Variants in C1orf94 observed in about 807,000 individuals in gnomAD.
C1orf94 encodes the protein chromosome 1 open reading frame 94.
In C1orf94, 45 loss-of-function variants were observed where a neutral mutation model predicts 53.6. The observed-to-expected ratio is 0.84, with a 90% confidence interval of 0.66 to 1.08. C1orf94 has a LOEUF of 1.08. C1orf94 is among the 50% of genes least tolerant of loss of function. C1orf94 has a pLI of 0.00. For missense variants in C1orf94, 762 were observed against 738.9 expected (o/e 1.03, Z -0.36); for synonymous variants, 304 against 296.1 (o/e 1.03, Z -0.27).
rs182400683 is a variant in C1orf94 at position 34,212,422 on chromosome 1, C to A, written c.1721+16C>A. 6.2e-7 allele frequency: 1 copy of A among 1,603,212 alleles called. No individual in the cohort carries two copies. The highest frequency in any genetic ancestry group is 1.3e-5 in the African/African-American group (1 of 74,530). Reference sequence around the variant, plus strand: ...AAGGATATGGGTGAGTCAGCCCACACTGGGAGCCTAAGGGTATCCAGAAAG... The same window carrying A: ...AAGGATATGGGTGAGTCAGCCCACAATGGGAGCCTAAGGGTATCCAGAAAG... On this transcript the variant is annotated intron_variant, in intron 6 of 6. Transcript: ENST00000488417.
At chr1:34,179,314 T>A (rs931104982) in intron 1 of C1orf94, among the ~76,000 whole-genome samples, 1 of 152,236 alleles carries the variant, frequency 6.6e-6, no homozygotes, top group Admixed American at 6.5e-5. Flanking sequence ...GGCCCTTCAG[T>A]GGCACTGAGC....
intron 1 of C1orf94, among the ~76,000 whole-genome samples, chr1:34,178,326 C>T (rs1347186037): frequency 6.6e-6 from 1 of 152,200 alleles, no homozygotes; most frequent in Admixed American, 6.5e-5. Context: ...TTCCAGGCTG[C>T]CTCTTCACCA....
chr1:34,185,241 G>A (rs918443354), intron 1 of C1orf94, among the ~76,000 whole-genome samples: 10 of 152,050 alleles, frequency 6.6e-5, no homozygotes, highest in South Asian at 2.1e-4. Context: ...GTGCAGTGGC[G>A]CGATCTTGGC....
rs755907282 is a variant in C1orf94, at chr1:34,197,555, G to T, written c.651G>T (p.Lys217Asn). The T allele has an allele frequency of 6.2e-7, 1 of 1,614,138 alleles. No homozygotes were observed. Among genetic ancestry groups the T allele is most frequent in the South Asian group, 1.1e-5 (1 of 91,082 alleles). Reference protein sequence around the residue: ...VTDILCAAEVKSSKGTEDRGR... With the variant: ...VTDILCAAEVNSSKGTEDRGR... The stretch of plus-strand genomic sequence containing the variant: ...ACATTCTGTGTGCCGCCGAGGTCAA[G>T]AGCAGCAAGGGGACAGAGGACAGGG... The change falls in exon 2 of 7, where the codon AAG becomes AAT. Residue 217 changes from lysine (K) to asparagine (N), a missense_variant. Lys to Asn is a moderately conservative substitution (Grantham distance 94, BLOSUM62 0). Transcript: ENST00000488417. The surrounding 1 kb of genome is among the most constrained non-coding windows in gnomAD (Gnocchi z 4.1).
intron 1 of C1orf94, among the ~76,000 whole-genome samples, chr1:34,181,765 G>A (rs747951110): frequency 6.6e-5 from 10 of 152,218 alleles, no homozygotes; most frequent in Non-Finnish European, 1.5e-4. Flanking sequence ...TAGAGCAGAG[G>A]GAAGTGATAG....
At chr1:34,196,475 G>C (rs1336485734) in intron 1 of C1orf94, among the ~76,000 whole-genome samples, 1 of 152,168 alleles carries the variant, frequency 6.6e-6, no homozygotes, top group East Asian at 1.9e-4. Context: ...GGCCATGCCA[G>C]AGTGAACATG....
intron 4 of C1orf94, 49 bp downstream of exon 4, chr1:34,202,308 C>A (rs1253210417): frequency 1.3e-6 from 2 of 1,587,630 alleles, no homozygotes; most frequent in Middle Eastern, 3.4e-4. Context: ...GGGGTTTTGG[C>A]CACAGAGAAG....
At chr1:34,204,225 G>A (rs1230213207) in intron 4 of C1orf94, among the ~76,000 whole-genome samples, 1 of 152,152 alleles carries the variant, frequency 6.6e-6, no homozygotes. Context: ...AAGGGGATTG[G>A]CTCTTCTGCA....
chr1:34,209,031 A>G (rs1642847888), intron 5 of C1orf94, among the ~76,000 whole-genome samples: 1 of 152,200 alleles, frequency 6.6e-6, no homozygotes, highest in African/African-American at 2.4e-5. Flanking sequence ...TGTCCCAAAT[A>G]TTGCACAGGA....
chr1:34,201,078 G>A (rs1347991626), intron 3 of C1orf94, 46 bp downstream of exon 3: 2 of 1,549,206 alleles, frequency 1.3e-6, no homozygotes, highest in East Asian at 4.9e-5. Context: ...GGGGGTTGCA[G>A]TGACCCTCAC....
At chr1:34,202,035 T>C in intron 3 of C1orf94, 49 bp from the exon 4 acceptor site, 1 of 1,589,638 alleles carries the variant, frequency 6.3e-7, no homozygotes, top group Non-Finnish European at 8.6e-7. Context: ...TGTCCTGGCC[T>C]CTCCCTGCCT....
chr1:34,183,174 GGGA>G (rs1334354337), intron 1 of C1orf94, among the ~76,000 whole-genome samples: 4 of 152,210 alleles, frequency 2.6e-5, no homozygotes, highest in Non-Finnish European at 4.4e-5. Flanking sequence ...TGGGTTTTGG[GGGA>G]GAAATCAATA....
chr1:34,190,191 C>T (rs370604706), intron 1 of C1orf94, among the ~76,000 whole-genome samples: 2 of 152,168 alleles, frequency 1.3e-5, no homozygotes, highest in East Asian at 3.9e-4. Context: ...ACCTAGCAAA[C>T]TCCTCAAAAA....
At chr1:34,210,665 T>G (rs1171955958) in intron 5 of C1orf94, among the ~76,000 whole-genome samples, 6 of 152,098 alleles carry the variant, frequency 3.9e-5, no homozygotes, top group Non-Finnish European at 7.4e-5. Flanking sequence ...GGATTGTTTT[T>G]TTTTTTTTAG....
chr1:34,196,672 C>A (rs554789404), intron 1 of C1orf94, among the ~76,000 whole-genome samples: 1 of 152,276 alleles, frequency 6.6e-6, no homozygotes, highest in African/African-American at 2.4e-5. Context: ...GCTGAACAAC[C>A]TGCCCAGGGT....
chr1:34,197,429 A>G lies in C1orf94; in HGVS notation c.525A>G (p.Arg175=). 6.2e-7 allele frequency: 1 copy of G among 1,613,940 alleles called. No individual in the cohort carries two copies. The highest frequency in any genetic ancestry group is 1.3e-5 in the African/African-American group (1 of 75,036). The change falls in exon 2 of 7, where the codon AGA becomes AGG. Residue 175 remains arginine, a synonymous_variant. Transcript: ENST00000488417. This position sits in a 1 kb window ranked among gnomAD's most constrained non-coding sequence, Gnocchi z 4.1. ...PLVAGSNERP[R]ASIIVGDKLL... The stretch of plus-strand genomic sequence containing the variant: ...TGGCAGGCAGTAATGAGCGCCCCAG[A>G]GCCTCCATCATTGTCGGAGACAAGC...
intron 2 of C1orf94, among the ~76,000 whole-genome samples, chr1:34,200,051 G>C (rs181037417): frequency 1.1e-4 from 17 of 151,944 alleles, no homozygotes; most frequent in Non-Finnish European, 2.2e-4. Context: ...TTTTTTTCTT[G>C]TTATGAGCTC....
chr1:34,180,779 C>T (rs1274467712), intron 1 of C1orf94, among the ~76,000 whole-genome samples: 1 of 152,154 alleles, frequency 6.6e-6, no homozygotes, highest in Non-Finnish European at 1.5e-5. Context: ...AATTTGTAGA[C>T]CTGGTTTTGG....
intron 1 of C1orf94, among the ~76,000 whole-genome samples, chr1:34,185,394 G>T (rs570972440): frequency 6.6e-6 from 1 of 152,264 alleles, no homozygotes; most frequent in South Asian, 2.1e-4. Context: ...TAGTCAGTCT[G>T]GTCTCGGACT....
Sources: allele counts gnomAD v4.1 joint callset (sites outside exome capture counted in the v4.1 genomes callset), GRCh38; gene constraint gnomAD v4.1.1; non-coding constraint Gnocchi (gnomAD v3.1); transcripts MANE v1.5; gene names NCBI Gene and HGNC (gene_info 2026-07-23, HGNC 2026-07-21).